The following INPP4B variants were observed in gnomAD, a reference collection of about 807,000 sequenced individuals.
The protein encoded by INPP4B is inositol polyphosphate-4-phosphatase type II B.
In INPP4B, 55 loss-of-function variants were observed where a neutral mutation model predicts 122.5. The observed-to-expected ratio is 0.45, with a 90% CI of 0.36 to 0.56. The LOEUF (loss-of-function observed/expected upper bound fraction) is 0.56, where lower values mean the gene tolerates loss of function less well. Among genes scored for constraint, INPP4B ranks in the 20% least tolerant of loss-of-function variants. The probability of loss-of-function intolerance (pLI) is 0.00; values close to 1 mark genes in which losing one functional copy is unlikely to be tolerated. For synonymous variants in INPP4B, 403 were observed against 388.7 expected (o/e 1.04, Z -0.43); for missense variants, 1,000 against 1,097.7 (o/e 0.91, Z 1.26).
chr4:142,716,136 A>G (rs1334586004), intron 2 of INPP4B, among the ~76,000 whole-genome samples: 1 of 152,192 alleles, frequency 6.6e-6, no homozygotes, highest in Non-Finnish European at 1.5e-5. Context: ...ACTCAGGTTC[A>G]AGGGAGGGGA....
chr4:142,544,693 T>A (rs1421404928), intron 2 of INPP4B, among the ~76,000 whole-genome samples: 1 of 152,058 alleles, frequency 6.6e-6, no homozygotes, highest in Admixed American at 6.5e-5. Flanking sequence ...GAGGCCTGTA[T>A]GAGACAGGGC....
At chr4:142,348,666 C>T (rs1274952391) in intron 7 of INPP4B, among the ~76,000 whole-genome samples, 2 of 152,034 alleles carry the variant, frequency 1.3e-5, no homozygotes, top group East Asian at 1.9e-4. Context: ...AGCAACATTG[C>T]TCCAAGGCTG....
chr4:142,492,972 C>G (rs1003334624), intron 2 of INPP4B, among the ~76,000 whole-genome samples: 2 of 152,204 alleles, frequency 1.3e-5, no homozygotes, highest in Admixed American at 1.3e-4. Flanking sequence ...CCCAGGGCAC[C>G]CCTGCTCTAT....
intron 15 of INPP4B, among the ~76,000 whole-genome samples, chr4:142,175,661 T>C (rs1196933185): frequency 2.0e-5 from 3 of 151,976 alleles, no homozygotes; most frequent in Admixed American, 1.3e-4. Context: ...GAAACAGTAG[T>C]CCTAGCCAAT....
At chr4:142,129,670 G>A (rs1201619546) in intron 18 of INPP4B, among the ~76,000 whole-genome samples, 2 of 152,180 alleles carry the variant, frequency 1.3e-5, no homozygotes, top group African/African-American at 4.8e-5. Context: ...AAACTTGGCT[G>A]CTTCGAATGT....
intron 22 of INPP4B, among the ~76,000 whole-genome samples, chr4:142,108,693 T>C (rs990577578): frequency 6.6e-6 from 1 of 152,124 alleles, no homozygotes; most frequent in African/African-American, 2.4e-5. Context: ...TCCCAGACAG[T>C]AGATCATTTC....
intron 1 of INPP4B, among the ~76,000 whole-genome samples, chr4:142,826,533 T>A (rs13125920): frequency 0.29 from 30,277 of 103,128 alleles, 4,879 homozygotes; most frequent in African/African-American, 0.53. Context: ...AAACCAAAGC[T>A]AACAAACAAA....
intron 2 of INPP4B, among the ~76,000 whole-genome samples, chr4:142,521,709 T>C (rs1401312587): frequency 6.6e-6 from 1 of 152,132 alleles, no homozygotes; most frequent in Non-Finnish European, 1.5e-5. Flanking sequence ...TTTCGATTCA[T>C]ATATTTGTAT....
chr4:142,622,356 T>C (rs1745141969), intron 2 of INPP4B, among the ~76,000 whole-genome samples: 1 of 151,240 alleles, frequency 6.6e-6, no homozygotes, highest in Non-Finnish European at 1.5e-5. Flanking sequence ...TCCCTTAACC[T>C]CTCTCCAGGG....
chr4:142,041,566 C>T (rs1393347093), intron 25 of INPP4B, among the ~76,000 whole-genome samples: 2 of 151,868 alleles, frequency 1.3e-5, no homozygotes, highest in East Asian at 1.9e-4. Context: ...TGCAGTGAGC[C>T]GAGATCAGGT....
At chr4:142,225,060 T>C (rs755736290) in intron 12 of INPP4B, among the ~76,000 whole-genome samples, 4 of 151,940 alleles carry the variant, frequency 2.6e-5, no homozygotes, top group Non-Finnish European at 5.9e-5. Context: ...AACATTTGAG[T>C]CTCTGGGCTG....
At chr4:142,391,434 C>T (rs1797631459) in intron 7 of INPP4B, among the ~76,000 whole-genome samples, 2 of 152,094 alleles carry the variant, frequency 1.3e-5, no homozygotes, top group African/African-American at 4.8e-5. Flanking sequence ...TGGTGGCCGG[C>T]ATGTGTAATC....
intron 7 of INPP4B, among the ~76,000 whole-genome samples, chr4:142,400,462 TGTACTTTAAG>T (rs1437683402): frequency 1.3e-5 from 2 of 152,202 alleles, no homozygotes; most frequent in Admixed American, 1.3e-4. Flanking sequence ...AATTATAAGC[TGTACTTTAAG>T]CCACTTGCTG....
intron 1 of INPP4B, among the ~76,000 whole-genome samples, chr4:142,761,425 T>C (rs914802106): frequency 7.2e-5 from 11 of 152,134 alleles, no homozygotes; most frequent in African/African-American, 2.7e-4. Flanking sequence ...ATGAAAATCT[T>C]TCTACACAAA....
At chr4:142,825,038 A>T (rs186847122) in intron 1 of INPP4B, among the ~76,000 whole-genome samples, 4 of 152,124 alleles carry the variant, frequency 2.6e-5, no homozygotes, top group Non-Finnish European at 5.9e-5. Flanking sequence ...GCATCCTTGG[A>T]TTTGTGTGCT....
chr4:142,298,026 C>G (rs1048512464), intron 9 of INPP4B, among the ~76,000 whole-genome samples: 2 of 152,150 alleles, frequency 1.3e-5, no homozygotes, highest in South Asian at 4.1e-4. Context: ...CAGGTGGTGA[C>G]TAAGCTCGGA....
At chr4:142,764,663 G>A (rs1771825283) in intron 1 of INPP4B, among the ~76,000 whole-genome samples, 2 of 152,162 alleles carry the variant, frequency 1.3e-5, no homozygotes, top group East Asian at 1.9e-4. Flanking sequence ...AAATCTCTGA[G>A]GATTTCTTTA....
chr4:142,233,078 T>A (rs144894361), intron 12 of INPP4B, among the ~76,000 whole-genome samples: 45 of 152,274 alleles, frequency 3.0e-4, no homozygotes, highest in Non-Finnish European at 5.1e-4. Context: ...TGATGGAGGA[T>A]CTGCAGCAAG....
chr4:142,118,601 T>C (rs1273678092), intron 21 of INPP4B, among the ~76,000 whole-genome samples: 15 of 151,434 alleles, frequency 9.9e-5, no homozygotes, highest in African/African-American at 2.2e-4. Context: ...ATGTAGAAAG[T>C]TGAAACTGGA....
Sources: gnomAD v4.1 joint callset for allele counts (sites outside exome capture counted in the v4.1 genomes callset) on GRCh38, gnomAD v4.1.1 for gene constraint, MANE v1.5 for transcripts, NCBI Gene and HGNC (gene_info 2026-07-23, HGNC 2026-07-21) for gene names.